RANBP3: variants seen among roughly 807,000 people sequenced by gnomAD.
RANBP3 encodes the protein RAN binding protein 3.
A neutral mutation model predicts 77.3 loss-of-function variants in RANBP3; 14 were observed. That is an observed-to-expected ratio of 0.18 (90% CI 0.12 to 0.28). The LOEUF is 0.28. Among genes scored for constraint, RANBP3 ranks in the 10% least tolerant of loss-of-function variants. The probability of loss-of-function intolerance (pLI) is 1.00; values close to 1 mark genes in which losing one functional copy is unlikely to be tolerated. For missense variants in RANBP3, 586 were observed against 752.3 expected (o/e 0.78, Z 2.59); for synonymous variants, 315 against 312.4 (o/e 1.01, Z -0.09).
chr19:5,934,950 A>G (rs1372971206), intron 5 of RANBP3, among the ~76,000 whole-genome samples: 2 of 152,164 alleles, frequency 1.3e-5, no homozygotes, highest in Non-Finnish European at 2.9e-5. Context: ...AAAGGAGCTG[A>G]GCGGTTACCA....
chr19:5,958,123 G>T lies in RANBP3; in HGVS notation c.23-150C>A. 2.8e-6 allele frequency: 2 copies of T among 726,310 alleles called. No individual in the cohort carries two copies. The highest frequency in any genetic ancestry group is 4.5e-6 in the Non-Finnish European group (2 of 443,330). The allele number at this position is 726,310 out of a possible 1,614,324, so 45.0% of individuals were successfully genotyped here. A position where few individuals can be genotyped will look rare whatever the true frequency, so the allele number is the denominator to read the frequency against. ...ATCACTTAGAACAGCGTCTTGACTC[G>T]GATGCCTGGAGGCACAGGTGTGCTG... On this transcript the variant is annotated intron_variant, in intron 1 of 16. Coordinates refer to ENST00000340578, the MANE Select transcript of RANBP3 (RefSeq NM_007322.3). The surrounding 1 kb of genome is among the most constrained non-coding windows in gnomAD (Gnocchi z 4.4).
chr19:5,916,181 T>C lies in RANBP3; in HGVS notation c.*1429A>G, dbSNP rs928404186. On this transcript the variant is annotated 3_prime_UTR_variant, in exon 17 of 17. Coordinates refer to ENST00000340578, the MANE Select transcript of RANBP3 (RefSeq NM_007322.3). ...ATGTAGTTCCCAAATACATTTCATATGACAATCTTACATAAATGTTCCAAA... is the reference window on the plus strand; with the variant it reads ...ATGTAGTTCCCAAATACATTTCATACGACAATCTTACATAAATGTTCCAAA... 6.6e-6 allele frequency: 1 copy of C among 152,216 alleles called. No homozygotes were observed. The highest frequency in any genetic ancestry group is 2.4e-5 in the African/African-American group (1 of 41,448). 9.4% of individuals were successfully genotyped at this position (152,216 alleles called of 1,614,324 possible).
At chr19:5,969,079 G>C (rs2058501095) in intron 1 of RANBP3, among the ~76,000 whole-genome samples, 1 of 152,182 alleles carries the variant, frequency 6.6e-6, no homozygotes, top group South Asian at 2.1e-4. Flanking sequence ...AGGTTCTAAG[G>C]AAAGGAAGAG....
At chr19:5,922,411 G>A (rs971616583) in intron 13 of RANBP3, among the ~76,000 whole-genome samples, 2 of 152,186 alleles carry the variant, frequency 1.3e-5, no homozygotes, top group African/African-American at 4.8e-5. Context: ...ACAGACACCT[G>A]CTTATGTGCC....
chr19:5,936,684 A>C (rs1469978235), intron 5 of RANBP3, among the ~76,000 whole-genome samples: 2 of 152,212 alleles, frequency 1.3e-5, no homozygotes, highest in Non-Finnish European at 2.9e-5. Context: ...GGCAGTGCTC[A>C]AATGAACAAC....
intron 1 of RANBP3, among the ~76,000 whole-genome samples, chr19:5,965,571 G>A (rs554772018): frequency 2.0e-5 from 3 of 152,130 alleles, no homozygotes; most frequent in Non-Finnish European, 2.9e-5. Flanking sequence ...GTGGGTGGTG[G>A]GGGCTTCCCA....
At chr19:5,934,131 A>C (rs2058033824) in intron 5 of RANBP3, 1 of 152,244 alleles carries the variant, frequency 6.6e-6, no homozygotes, top group African/African-American at 2.4e-5. Flanking sequence ...AATGCCCACG[A>C]GCTCCTGGGA....
At chr19:5,965,516 G>A (rs916614422) in intron 1 of RANBP3, among the ~76,000 whole-genome samples, 9 of 152,190 alleles carry the variant, frequency 5.9e-5, no homozygotes, top group African/African-American at 2.2e-4. Context: ...CTATTTCAGA[G>A]GCAGCAAGGA....
chr19:5,962,693 G>T, intron 1 of RANBP3: 2 of 456,008 alleles, frequency 4.4e-6, no homozygotes, highest in South Asian at 3.1e-5. Flanking sequence ...GTAGAAATGA[G>T]CTTTAGTCAC....
chr19:5,918,387 A>AGGGGGGGGGGGGG, intron 15 of RANBP3, 109 bp downstream of exon 15: 35 of 529,906 alleles, frequency 6.6e-5, no homozygotes, highest in Non-Finnish European at 7.3e-5. Context: ...AAGCAACTGA[A>AGGGGGGGGGGGGG]GCCCCTCCCC....
chr19:5,960,171 C>T (rs79055286), intron 1 of RANBP3, among the ~76,000 whole-genome samples: 2,830 of 152,164 alleles, frequency 0.019, 208 homozygotes, highest in Admixed American at 0.12. Context: ...CTAAATCTGG[C>T]CTGTGTTCGG....
At chr19:5,944,415 T>A (rs2058177830) in intron 3 of RANBP3, among the ~76,000 whole-genome samples, 1 of 152,236 alleles carries the variant, frequency 6.6e-6, no homozygotes, top group African/African-American at 2.4e-5. Context: ...AGCTATCGCT[T>A]GCCCTCATAC....
chr19:5,923,879 G>A lies in RANBP3; in HGVS notation c.1032C>T (p.Ala344=), dbSNP rs1265696735. ...ACTCGGCAGCTGCATTTTCCCTGTT[G>A]GCATCTGAACTGACCTCGTTTAATT... ...PPKLNEVSSD[A]NRENAAAESG... is the part of the protein sequence containing the mutation. The change falls in exon 12 of 17, where the codon GCC becomes GCT. Residue 344 remains alanine (A), a synonymous_variant. Transcript: ENST00000340578. 1.9e-6 allele frequency: 3 copies of A among 1,613,972 alleles called. No individual in the cohort carries two copies. The highest frequency in any genetic ancestry group is 2.5e-6 in the Non-Finnish European group (3 of 1,180,026).
rs1247832493 is a variant in RANBP3 at position 5,916,768 on chromosome 19, C to T, written c.*842G>A. 1.3e-5 allele frequency: 2 copies of T among 152,250 alleles called. No individual in the cohort carries two copies. Among genetic ancestry groups the T allele is most frequent in the African/African-American group, 4.8e-5 (2 of 41,436 alleles). The allele number at this position is 152,250 out of a possible 1,614,324, so 9.4% of individuals were successfully genotyped here. A position where few individuals can be genotyped will look rare whatever the true frequency, so the allele number is the denominator to read the frequency against. ...AGATGGAGACGGGAGTCAGGGGACC[C>T]TGGGGACCCTTCCAGGTCCAGTGAC... On this transcript the variant is annotated 3_prime_UTR_variant, in exon 17 of 17. Transcript: ENST00000340578.
chr19:5,932,832 C>A, intron 6 of RANBP3: 1 of 458,608 alleles, frequency 2.2e-6, no homozygotes, highest in South Asian at 2.5e-5. Flanking sequence ...CAAGTGGAGA[C>A]TGTGGGAGGA....
chr19:5,957,209 C>T lies in RANBP3; in HGVS notation c.78+709G>A, dbSNP rs562431566. Among the ~76,000 whole-genome samples the T allele has an allele frequency of 1.3e-3, 193 of 152,264 alleles. 2 individuals are homozygous for T. Among genetic ancestry groups the T allele is most frequent in the Non-Finnish European group, 2.1e-3 (141 of 68,020 alleles). ...CTGACAAAACTCTGACCATCCACACCGATCTGTCAGGGAGAGAAGCCGATG... is the reference window on the plus strand; with the variant it reads ...CTGACAAAACTCTGACCATCCACACTGATCTGTCAGGGAGAGAAGCCGATG... On this transcript the variant is annotated intron_variant, in intron 2 of 16. Coordinates refer to ENST00000340578, the MANE Select transcript of RANBP3 (RefSeq NM_007322.3).
chr19:5,942,711 A>AAC (rs1555757612), intron 3 of RANBP3, among the ~76,000 whole-genome samples: 2 of 151,616 alleles, frequency 1.3e-5, no homozygotes, highest in Non-Finnish European at 2.9e-5. Flanking sequence ...AAAAAAAAAA[A>AAC]AAAAAAAAAC....
Position 5,917,956 on chromosome 19 carries a change from A to G in RANBP3, c.1498T>C (p.Leu500=), listed in dbSNP as rs1276835171. The change falls in exon 16 of 17, where the codon TTG becomes CTG. Residue 500 remains leucine, a synonymous_variant. Transcript: ENST00000340578. ...ISASSKDTGQ[L]YAALHHRILA... The stretch of plus-strand genomic sequence containing the variant: ...ATGCGGTGGTGCAGGGCTGCATACA[A>G]CTGACCTGTGTCCTTGGAGCTGGCC... 1.2e-6 allele frequency: 2 copies of G among 1,603,098 alleles called. No individual in the cohort carries two copies. Among genetic ancestry groups the G allele is most frequent in the South Asian group, 2.2e-5 (2 of 90,348 alleles).
chr19:5,947,783 C>T (rs766136188), intron 3 of RANBP3, among the ~76,000 whole-genome samples: 14 of 152,114 alleles, frequency 9.2e-5, no homozygotes, highest in African/African-American at 1.7e-4. Flanking sequence ...AGCTCCCCAC[C>T]GGCAGCCATA....
Sources: allele counts gnomAD v4.1 joint callset (sites outside exome capture counted in the v4.1 genomes callset), GRCh38; gene constraint gnomAD v4.1.1; non-coding constraint Gnocchi (gnomAD v3.1); transcripts MANE v1.5; gene names NCBI Gene and HGNC (gene_info 2026-07-23, HGNC 2026-07-21).